TBCK: variants seen among roughly 807,000 people sequenced by gnomAD.
TBCK encodes TBC1 domain containing kinase, also known as TBC domain-containing protein kinase-like protein.
A neutral mutation model predicts 113.4 loss-of-function variants in TBCK; 99 were observed. That is an observed-to-expected ratio of 0.87 (90% CI 0.74 to 1.03). TBCK has a LOEUF of 1.03. Among genes scored for constraint, TBCK ranks in the 50% least tolerant of loss-of-function variants. The probability of loss-of-function intolerance (pLI) is 0.00; values close to 1 mark genes in which losing one functional copy is unlikely to be tolerated. For missense variants in TBCK, 1,045 were observed against 1,061.3 expected (o/e 0.98, Z 0.21); for synonymous variants, 369 against 370.8 (o/e 1.00, Z 0.05).
At chr4:106,051,259 G>A (rs1263837781) in intron 25 of TBCK, among the ~76,000 whole-genome samples, 1 of 151,868 alleles carries the variant, frequency 6.6e-6, no homozygotes, top group Admixed American at 6.6e-5. Flanking sequence ...AACTAAGAAA[G>A]TTTGGGGTTC....
At chr4:106,048,393 T>C (rs1734446553) in intron 25 of TBCK, among the ~76,000 whole-genome samples, 1 of 152,136 alleles carries the variant, frequency 6.6e-6, no homozygotes, top group Non-Finnish European at 1.5e-5. Flanking sequence ...CTCTTAGAGC[T>C]AACAGATGGG....
At chr4:106,305,073 T>A (rs1021830914) in intron 2 of TBCK, among the ~76,000 whole-genome samples, 1 of 152,196 alleles carries the variant, frequency 6.6e-6, no homozygotes, top group Non-Finnish European at 1.5e-5. Flanking sequence ...TGTTTTTTTC[T>A]CCTGTTAACC....
At chr4:106,093,322 T>C (rs1740524961) in intron 25 of TBCK, among the ~76,000 whole-genome samples, 2 of 152,108 alleles carry the variant, frequency 1.3e-5, no homozygotes, top group East Asian at 1.9e-4. Context: ...CTGTCTAACA[T>C]GGTGAAACCC....
intron 23 of TBCK, among the ~76,000 whole-genome samples, chr4:106,141,254 AAT>A (rs2149652280): frequency 7.1e-6 from 1 of 141,010 alleles, no homozygotes; most frequent in Admixed American, 7.0e-5. Flanking sequence ...GTAGATGATA[AAT>A]AGAAAATTTG....
intron 23 of TBCK, among the ~76,000 whole-genome samples, chr4:106,132,408 G>A (rs1211715929): frequency 6.6e-6 from 1 of 152,274 alleles, no homozygotes; most frequent in African/African-American, 2.4e-5. Context: ...TGGCTTACAT[G>A]TAGTGTTGGG....
At chr4:106,178,063 A>ATATTT (rs1460398526) in intron 22 of TBCK, among the ~76,000 whole-genome samples, 27 of 151,532 alleles carry the variant, frequency 1.8e-4, no homozygotes, top group Admixed American at 1.8e-3. Context: ...TTGTTCCTAC[A>ATATTT]TATTTTATTT....
At position 106,041,689 on chromosome 4, in the gene TBCK, T is replaced by A. The variant is rs1335044121; in HGVS notation, c.*4881A>T. ...GCAGACAATGCAAACTAATAATAGG[T>A]CCTCTGAAAGGAATGAGAAAGGATA... On this transcript the variant is annotated 3_prime_UTR_variant, in exon 26 of 26. Coordinates refer to ENST00000394708, the MANE Select transcript of TBCK (RefSeq NM_001163435.3). The A allele has an allele frequency of 6.6e-6, 1 of 152,138 alleles. No homozygotes were observed. 9.4% of individuals were successfully genotyped at this position (152,138 alleles called of 1,614,324 possible).
chr4:106,311,406 A>T (rs1299003186), intron 1 of TBCK, among the ~76,000 whole-genome samples: 2 of 152,230 alleles, frequency 1.3e-5, no homozygotes, highest in Non-Finnish European at 2.9e-5. Context: ...AGCCATATTT[A>T]ATAGCATAGA....
At chr4:106,233,465 C>T in intron 16 of TBCK, 123 bp downstream of exon 16, 1 of 732,888 alleles carries the variant, frequency 1.4e-6, no homozygotes, top group Non-Finnish European at 2.3e-6. Context: ...GTTTCTCTAA[C>T]AATATATGTA....
At chr4:106,173,743 C>T (rs879854655) in intron 22 of TBCK, among the ~76,000 whole-genome samples, 1 of 152,040 alleles carries the variant, frequency 6.6e-6, no homozygotes, top group Admixed American at 6.6e-5. Context: ...CATCTCAAAA[C>T]CCTTCCAAAG....
chr4:106,106,854 A>C (rs1742224486), intron 24 of TBCK, among the ~76,000 whole-genome samples: 1 of 152,228 alleles, frequency 6.6e-6, no homozygotes, highest in Admixed American at 6.5e-5. Context: ...AAACAGGATA[A>C]AAAAGTAAGA....
intron 3 of TBCK, among the ~76,000 whole-genome samples, chr4:106,284,704 C>T (rs551472310): frequency 2.6e-5 from 4 of 152,108 alleles, no homozygotes; most frequent in Non-Finnish European, 5.9e-5. Context: ...ATAGGTTAAG[C>T]AAAAGTACAT....
intron 23 of TBCK, among the ~76,000 whole-genome samples, chr4:106,120,138 G>A (rs1744092091): frequency 1.3e-5 from 2 of 152,230 alleles, no homozygotes; most frequent in Non-Finnish European, 2.9e-5. Flanking sequence ...GCAGGGCAAG[G>A]CATTGCCTCA....
intron 22 of TBCK, among the ~76,000 whole-genome samples, chr4:106,173,778 T>C (rs546031015): frequency 6.6e-6 from 1 of 152,198 alleles, no homozygotes; most frequent in African/African-American, 2.4e-5. Context: ...CAAAATATAA[T>C]GCAAAAGTAC....
intron 23 of TBCK, among the ~76,000 whole-genome samples, chr4:106,152,389 T>C (rs1021104255): frequency 2.0e-5 from 3 of 152,128 alleles, no homozygotes; most frequent in Non-Finnish European, 2.9e-5. Flanking sequence ...AACACATTAA[T>C]TGATTTGCAT....
chr4:106,220,363 G>T (rs577583517), intron 19 of TBCK, among the ~76,000 whole-genome samples: 5 of 152,210 alleles, frequency 3.3e-5, no homozygotes, highest in Non-Finnish European at 7.4e-5. Context: ...CCATCATTCT[G>T]GGGCTTCCCC....
chr4:106,195,540 A>T (rs996958409), intron 20 of TBCK, among the ~76,000 whole-genome samples: 2 of 146,462 alleles, frequency 1.4e-5, no homozygotes, highest in Non-Finnish European at 3.0e-5. Flanking sequence ...AGATAAGATC[A>T]GCATTTGAAT....
At chr4:106,259,644 G>GA (rs1246129673) in intron 5 of TBCK, among the ~76,000 whole-genome samples, 11 of 151,848 alleles carry the variant, frequency 7.2e-5, no homozygotes, top group Admixed American at 6.6e-4. Flanking sequence ...TATGCTCGGA[G>GA]AAAAAACAGA....
intron 25 of TBCK, among the ~76,000 whole-genome samples, chr4:106,052,954 A>C (rs1208851937): frequency 6.6e-6 from 1 of 151,734 alleles, no homozygotes; most frequent in African/African-American, 2.4e-5. Context: ...CTGAAATAAC[A>C]GGATTTAAAA....
Sources: allele counts gnomAD v4.1 joint callset (sites outside exome capture counted in the v4.1 genomes callset), GRCh38; gene constraint gnomAD v4.1.1; transcripts MANE v1.5; gene names NCBI Gene and HGNC (gene_info 2026-07-23, HGNC 2026-07-21).